HELLS: variants seen among roughly 807,000 people sequenced by gnomAD.
HELLS encodes lymphoid-specific helicase.
In HELLS, 32 loss-of-function variants were observed where a neutral mutation model predicts 120.0. That is an observed-to-expected ratio of 0.27 (90% confidence interval 0.20 to 0.36). The LOEUF (loss-of-function observed/expected upper bound fraction) is 0.36. Among genes scored for constraint, HELLS ranks in the 10% least tolerant of loss-of-function variants. The pLI is 1.00. For synonymous variants in HELLS, 341 were observed against 323.4 expected, an observed-to-expected ratio of 1.05 and a Z score of -0.58; for missense variants, 650 against 993.4, an observed-to-expected ratio of 0.65 and a Z score of 4.65.
intron 10 of HELLS, among the ~76,000 whole-genome samples, chr10:94,578,050 G>C (rs1213940606): frequency 3.2e-5 from 4 of 125,702 alleles, no homozygotes; most frequent in Non-Finnish European, 6.3e-5. Context: ...GGCCTGGGCC[G>C]ACAGAGCGAG....
In HELLS at chr10:94,546,482, G is replaced by A. The variant is rs1842759426; in HGVS notation, c.137G>A (p.Arg46Gln). ...QLEAAGLERE[R>Q]KMLEKARMSW... Reference sequence around the variant, plus strand: ...GAAGCTGCTGGACTAGAGAGAGAGCGGAAGATGCTGGAAAAGGTAATTTAG... The same window carrying A: ...GAAGCTGCTGGACTAGAGAGAGAGCAGAAGATGCTGGAAAAGGTAATTTAG... Residue 46 changes from arginine (R) to glutamine (Q), a missense_variant, in exon 2 of 22, where the codon CGG (arginine) becomes CAG (glutamine). Transcript: ENST00000348459. 1 of 1,614,084 alleles carries A rather than the reference G, an allele frequency of 6.2e-7. No homozygotes were observed. Among genetic ancestry groups the A allele is most frequent in the Non-Finnish European group, 8.5e-7 (1 of 1,180,026 alleles).
At chr10:94,545,978 C>T (rs770240498) in intron 1 of HELLS, 26 bp downstream of exon 1, 14 of 1,553,634 alleles carry the variant, frequency 9.0e-6, no homozygotes, top group African/African-American at 2.7e-5. Flanking sequence ...CTTTTGGGCG[C>T]GGGTGGCAGC....
intron 3 of HELLS, 56 bp from the exon 4 acceptor site, chr10:94,558,081 GTT>G: frequency 7.1e-7 from 1 of 1,410,872 alleles, no homozygotes; most frequent in Non-Finnish European, 9.5e-7. Context: ...ATTGATATGC[GTT>G]TTTTTTTTAA....
intron 12 of HELLS, among the ~76,000 whole-genome samples, 172 bp from the exon 13 acceptor site, chr10:94,588,057 G>T (rs1330894734): frequency 6.6e-6 from 1 of 152,114 alleles, no homozygotes; most frequent in Non-Finnish European, 1.5e-5. Context: ...ACAACTGTGA[G>T]TTTATCATTT....
downstream of HELLS, among the ~76,000 whole-genome samples, chr10:94,606,537 A>C (rs1039956868): frequency 4.6e-5 from 7 of 151,998 alleles, no homozygotes; most frequent in South Asian, 1.5e-3. Context: ...ATTTCTTGAG[A>C]CAGGGTCTTG....
intron 11 of HELLS, among the ~76,000 whole-genome samples, chr10:94,581,848 A>G (rs1589744733): frequency 6.6e-6 from 1 of 152,198 alleles, no homozygotes; most frequent in South Asian, 2.1e-4. Context: ...CAGGGACAAT[A>G]GAGTTGTTAA....
At chr10:94,555,578 T>C (rs953864438) in intron 3 of HELLS, among the ~76,000 whole-genome samples, 5 of 152,232 alleles carry the variant, frequency 3.3e-5, no homozygotes, top group African/African-American at 4.8e-5. Context: ...CATACCTTGT[T>C]CTATACATCT....
intron 15 of HELLS, among the ~76,000 whole-genome samples, chr10:94,591,595 T>G (rs985562174): frequency 6.6e-6 from 1 of 152,224 alleles, no homozygotes; most frequent in Non-Finnish European, 1.5e-5. Flanking sequence ...ACCCATTAGA[T>G]GCCACTAGTA....
At chr10:94,576,543 A>G (rs1187315903) in intron 9 of HELLS, 119 bp from the exon 10 acceptor site, 3 of 535,922 alleles carry the variant, frequency 5.6e-6, no homozygotes, top group Non-Finnish European at 9.3e-6. Context: ...GCTATAGAAA[A>G]ATAGAAATAA....
At chr10:94,581,905 A>T (rs929437720) in intron 11 of HELLS, among the ~76,000 whole-genome samples, 2 of 152,220 alleles carry the variant, frequency 1.3e-5, no homozygotes, top group African/African-American at 4.8e-5. Flanking sequence ...TAAAGTTGTT[A>T]CAAGATAAGA....
intron 6 of HELLS, among the ~76,000 whole-genome samples, chr10:94,568,486 T>C (rs1843953321): frequency 6.6e-6 from 1 of 152,136 alleles, no homozygotes; most frequent in South Asian, 2.1e-4. Context: ...TTTCTGTGAG[T>C]CATTTCATTT....
downstream of HELLS, among the ~76,000 whole-genome samples, chr10:94,604,094 G>A (rs953420986): frequency 2.7e-5 from 4 of 149,902 alleles, no homozygotes; most frequent in Non-Finnish European, 5.9e-5. Flanking sequence ...CCAAAGTGCT[G>A]GGATTGCAGG....
At chr10:94,587,697 G>A (rs1410368164) in intron 12 of HELLS, among the ~76,000 whole-genome samples, 11 of 152,154 alleles carry the variant, frequency 7.2e-5, no homozygotes, top group African/African-American at 2.7e-4. Context: ...AAAGTGCTGT[G>A]ATTACAAGTG....
chr10:94,585,967 A>C (rs1449787058), intron 12 of HELLS, among the ~76,000 whole-genome samples: 1 of 152,150 alleles, frequency 6.6e-6, no homozygotes, highest in Non-Finnish European at 1.5e-5. Context: ...TTTTTTATAC[A>C]TGTGTTTCAG....
rs752068937 is a variant in HELLS, at chr10:94,590,698, A to G, written c.1689A>G (p.Ile563Met). ...AAGTTAATCTGAAGCTGCAGAATAT[A>G]ATGATGCTACTTCGTAAATGTTGTA... ...ESEVNLKLQNIMMLLRKCCNH... is the reference protein window; with the variant it reads ...ESEVNLKLQNMMMLLRKCCNH... The change falls in exon 15 of 22, where the codon ATA (isoleucine) becomes ATG (methionine). Residue 563 changes from isoleucine to methionine, a missense_variant. This residue lies in a region of HELLS where 191 missense variants were observed against 259.7 expected (regional missense o/e 0.74). Transcript: ENST00000348459. 11 of 1,607,556 alleles carry G rather than the reference A, an allele frequency of 6.8e-6. No individual in the cohort carries two copies. Among genetic ancestry groups the G allele is most frequent in the Non-Finnish European group, 9.4e-6 (11 of 1,174,674 alleles).
chr10:94,562,855 T>A lies in HELLS; in HGVS notation c.414T>A (p.Ile138=). 6.3e-7 allele frequency: 1 copy of A among 1,577,474 alleles called. No individual in the cohort carries two copies. The highest frequency in any genetic ancestry group is 8.7e-7 in the Non-Finnish European group (1 of 1,153,886). The part of the protein sequence containing the change: ...KRGREDESYN[I]SEVMSKEEIL... Reference sequence around the variant, plus strand: ...GAAGAGAAGATGAATCATACAATATTTCAGAGGTCATGTCAAAAGAGGTAA... The same window carrying A: ...GAAGAGAAGATGAATCATACAATATATCAGAGGTCATGTCAAAAGAGGTAA... Residue 138 remains isoleucine, a synonymous_variant, in exon 6 of 22, where the codon ATT becomes ATA. Transcript: ENST00000348459.
intron 7 of HELLS, among the ~76,000 whole-genome samples, chr10:94,573,695 C>T (rs952561430): frequency 1.3e-5 from 2 of 151,748 alleles, no homozygotes; most frequent in African/African-American, 2.4e-5. Context: ...GATACCTGGA[C>T]TCAGGTGATC....
intron 10 of HELLS, chr10:94,577,170 A>G: frequency 2.6e-6 from 1 of 384,852 alleles, no homozygotes; most frequent in Non-Finnish European, 4.9e-6. Context: ...TTATTTTTAG[A>G]GTATCTTATT....
At chr10:94,574,968 G>A (rs929679177) in intron 9 of HELLS, among the ~76,000 whole-genome samples, 3 of 151,986 alleles carry the variant, frequency 2.0e-5, no homozygotes, top group African/African-American at 7.2e-5. Flanking sequence ...TCAGTGCATT[G>A]GTAATTTGAT....
Sources: allele counts gnomAD v4.1 joint callset (sites outside exome capture counted in the v4.1 genomes callset), GRCh38; gene constraint gnomAD v4.1.1; regional missense constraint gnomAD v4.1.1; transcripts MANE v1.5; gene names NCBI Gene and HGNC (gene_info 2026-07-23, HGNC 2026-07-21).